The following SDK1 variants were observed in gnomAD, a reference collection of about 807,000 sequenced individuals.
SDK1 encodes sidekick cell adhesion molecule 1.
SDK1 carries 157 observed loss-of-function variants against 245.5 expected under a neutral mutation model. The ratio of observed to expected loss-of-function variants is 0.64; its 90% CI spans 0.56 to 0.73. SDK1 has a LOEUF of 0.73. Ranked by LOEUF, SDK1 falls within the 30% of genes least tolerant of loss-of-function variation. The probability of loss-of-function intolerance (pLI) is 0.00; values close to 1 mark genes in which losing one functional copy is unlikely to be tolerated. For missense variants in SDK1, 3,583 were observed against 3,002.3 expected (o/e 1.19, Z -4.52); for synonymous variants, 1,647 against 1,278.5 (o/e 1.29, Z -6.15).
At chr7:3,595,942 T>A (rs1310464823) in intron 1 of SDK1, among the ~76,000 whole-genome samples, 2 of 147,742 alleles carry the variant, frequency 1.4e-5, no homozygotes, top group African/African-American at 2.6e-5. Context: ...TTTTAACCTG[T>A]CTAATGGGTA....
intron 23 of SDK1, among the ~76,000 whole-genome samples, chr7:4,112,238 G>C (rs1014437034): frequency 6.6e-6 from 1 of 152,176 alleles, no homozygotes; most frequent in African/African-American, 2.4e-5. Context: ...CAAGCAGGGA[G>C]GGGGCTTGCA....
intron 23 of SDK1, among the ~76,000 whole-genome samples, chr7:4,111,414 C>T (rs748085941): frequency 1.3e-5 from 2 of 152,104 alleles, no homozygotes; most frequent in Middle Eastern, 6.8e-3. Context: ...CAGGATGGAA[C>T]ATTTCATACG....
chr7:3,485,886 G>A lies in SDK1; in HGVS notation c.299-133194G>A, dbSNP rs1037601369. The stretch of plus-strand genomic sequence containing the variant: ...AAAAATCTTATTCTTTGTCCCGTTA[G>A]GACAGTTTATATAATATTGGTTTTA... On this transcript the variant is annotated intron_variant, in intron 1 of 44. Transcript: ENST00000404826. 1.8e-4 allele frequency among the ~76,000 whole-genome samples: 28 copies of A among 151,476 alleles called. 1 individual carries two copies. The highest frequency in any genetic ancestry group is 4.4e-5 in the Non-Finnish European group (3 of 67,878).
At chr7:3,601,532 TA>T (rs1032931499) in intron 1 of SDK1, among the ~76,000 whole-genome samples, 1 of 152,088 alleles carries the variant, frequency 6.6e-6, no homozygotes, top group Non-Finnish European at 1.5e-5. Flanking sequence ...ATTCTTTTTT[TA>T]ATGACTTCAA....
At chr7:3,347,267 C>T (rs539584844) in intron 1 of SDK1, among the ~76,000 whole-genome samples, 2 of 152,058 alleles carry the variant, frequency 1.3e-5, no homozygotes, top group African/African-American at 4.8e-5. Context: ...TCTGACAACA[C>T]TTGGCACATA....
chr7:3,508,075 A>G (rs1052880164), intron 1 of SDK1, among the ~76,000 whole-genome samples: 2 of 151,974 alleles, frequency 1.3e-5, no homozygotes, highest in African/African-American at 4.8e-5. Flanking sequence ...TGTTTCTCTG[A>G]CCAGGCATAA....
intron 32 of SDK1, among the ~76,000 whole-genome samples, chr7:4,166,584 T>G (rs1045085800): frequency 3.3e-5 from 5 of 152,214 alleles, no homozygotes; most frequent in Admixed American, 2.0e-4. Flanking sequence ...GAGCCTCCTG[T>G]GCTCTCAGAA....
In SDK1 at chr7:3,639,157, C is replaced by A; in HGVS notation, c.565+47C>A. 4.8e-6 allele frequency: 5 copies of A among 1,048,438 alleles called. No individual in the cohort carries two copies. In the South Asian group the frequency reaches 6.4e-5, roughly 13 times the overall value. 64.9% of individuals were successfully genotyped at this position (1,048,438 alleles called of 1,614,324 possible). A position where few individuals can be genotyped will look rare whatever the true frequency, so the allele number is the denominator to read the frequency against. ...GTCCAAATGTTAAAGAACAAAGTGT[C>A]GCTGGGGAGTCAATCAGAATCACTT... On this transcript the variant is annotated intron_variant, in intron 3 of 44. Coordinates refer to ENST00000404826, the MANE Select transcript of SDK1 (RefSeq NM_152744.4).
At chr7:3,467,011 C>CACAG (rs1781026537) in intron 1 of SDK1, among the ~76,000 whole-genome samples, 2 of 147,196 alleles carry the variant, frequency 1.4e-5, no homozygotes. Context: ...CACACACACA[C>CACAG]ACACACACAC....
intron 5 of SDK1, among the ~76,000 whole-genome samples, chr7:3,908,585 C>G (rs1007857004): frequency 3.3e-5 from 5 of 151,918 alleles, no homozygotes; most frequent in African/African-American, 9.7e-5. Context: ...CACCATTCAT[C>G]TCTTCCTTCC....
intron 35 of SDK1, among the ~76,000 whole-genome samples, chr7:4,199,248 T>A (rs1225338707): frequency 6.6e-6 from 1 of 152,210 alleles, no homozygotes; most frequent in Admixed American, 6.5e-5. Flanking sequence ...TGTGATGCTG[T>A]CATGATCTGT....
intron 11 of SDK1, among the ~76,000 whole-genome samples, chr7:3,971,102 C>T (rs964599461): frequency 2.0e-5 from 3 of 152,122 alleles, no homozygotes; most frequent in African/African-American, 7.2e-5. Context: ...CAAAAAGTAC[C>T]ATGCAGACGC....
At position 3,580,223 on chromosome 7, in the gene SDK1, C is replaced by G. The variant is rs534728059; in HGVS notation, c.299-38857C>G. On this transcript the variant is annotated intron_variant, in intron 1 of 44. Coordinates refer to ENST00000404826, the MANE Select transcript of SDK1 (RefSeq NM_152744.4). ...ATTAAAATGGCCATAATACCCAAAG[C>G]AGTATACAGATTCAATGCTATTCCT... Among the ~76,000 whole-genome samples, 16 of 152,250 alleles carry G rather than the reference C, an allele frequency of 1.1e-4. No individual in the cohort carries two copies. The South Asian group carries it at 1.5e-3, about 14-fold the overall frequency.
chr7:4,025,011 T>C (rs1787223879), intron 17 of SDK1, among the ~76,000 whole-genome samples: 1 of 113,810 alleles, frequency 8.8e-6, no homozygotes, highest in East Asian at 2.1e-4. Context: ...AACTCTATTT[T>C]GCATTCACAC....
Position 3,365,658 on chromosome 7 carries a change from G to A in SDK1, c.298+63774G>A, listed in dbSNP as rs113495617. ...AATAAAATTTAAGATTTCCTTGCAGGTTTTTTTGAAGGGCATAGTCCTTTC... is the reference window on the plus strand; with the variant it reads ...AATAAAATTTAAGATTTCCTTGCAGATTTTTTTGAAGGGCATAGTCCTTTC... On this transcript the variant is annotated intron_variant, in intron 1 of 44. Transcript: ENST00000404826. 5.9e-3 allele frequency among the ~76,000 whole-genome samples: 903 copies of A among 152,198 alleles called. 10 individuals carry two copies. The highest frequency in any genetic ancestry group is 0.021 in the African/African-American group (874 of 41,532).
At chr7:3,801,668 A>C (rs774533642) in intron 4 of SDK1, among the ~76,000 whole-genome samples, 1 of 152,148 alleles carries the variant, frequency 6.6e-6, no homozygotes, top group Non-Finnish European at 1.5e-5. Context: ...GGTGAGTTCT[A>C]GATGCTGTGG....
chr7:3,550,842 A>C (rs1190970146), intron 1 of SDK1, among the ~76,000 whole-genome samples: 5 of 152,238 alleles, frequency 3.3e-5, no homozygotes, highest in Non-Finnish European at 7.4e-5. Flanking sequence ...AAATGTTTTT[A>C]CTGTATTCAA....
intron 2 of SDK1, among the ~76,000 whole-genome samples, chr7:3,636,640 A>G (rs1200323727): frequency 6.6e-6 from 1 of 152,144 alleles, no homozygotes; most frequent in Non-Finnish European, 1.5e-5. Flanking sequence ...CTCTTGGCTA[A>G]TTGTGGATAA....
chr7:4,003,433 A>G lies in SDK1; in HGVS notation c.2132-7533A>G, dbSNP rs752645894. On this transcript the variant is annotated intron_variant, in intron 14 of 44. Transcript: ENST00000404826. ...AGCCCACAGTGACACCTTATTGTTC[A>G]CTGCAGTCACTGCCCCCTTCCGAGC... 1.2e-3 allele frequency among the ~76,000 whole-genome samples: 183 copies of G among 152,230 alleles called. 1 individual carries two copies. Among genetic ancestry groups the G allele is most frequent in the Admixed American group, 1.2e-3 (18 of 15,298 alleles).
Sources: allele counts gnomAD v4.1 joint callset (sites outside exome capture counted in the v4.1 genomes callset), GRCh38; gene constraint gnomAD v4.1.1; transcripts MANE v1.5; gene names NCBI Gene and HGNC (gene_info 2026-07-23, HGNC 2026-07-21).